Variants in SEMA3D observed in about 807,000 individuals in gnomAD.
SEMA3D encodes the protein semaphorin-3D.
SEMA3D carries 84 observed loss-of-function variants against 100.1 expected under a neutral mutation model. The observed-to-expected ratio is 0.84, with a 90% CI of 0.70 to 1.01. The LOEUF (loss-of-function observed/expected upper bound fraction) is 1.01. Ranked by LOEUF, SEMA3D falls within the 50% of genes least tolerant of loss-of-function variation. The pLI, the probability that SEMA3D is intolerant of heterozygous loss-of-function variation, is 0.00. For missense variants in SEMA3D, 875 were observed against 934.1 expected (o/e 0.94, Z 0.82); for synonymous variants, 312 against 320.7 (o/e 0.97, Z 0.29).
the SEMA3D span, among the ~76,000 whole-genome samples, chr7:85,205,966 A>C: frequency 1.8e-4 from 27 of 152,192 alleles, no homozygotes; most frequent in South Asian, 2.3e-3. Flanking sequence ...CATGTATCAA[A>C]ACAGTTTCCT....
intron 1 of SEMA3D, among the ~76,000 whole-genome samples, chr7:85,168,616 A>AAT (rs1025044228): frequency 6.1e-5 from 5 of 82,602 alleles, no homozygotes; most frequent in Admixed American, 2.6e-4. Flanking sequence ...CGGTTTCTGC[A>AAT]ATTTTTTTTT....
rs751753248 is a variant in SEMA3D at position 85,121,876 on chromosome 7, C to CT, written c.15dup (p.Asp6ArgfsTer2). 1 of 1,581,790 alleles carries CT rather than the reference C, an allele frequency of 6.3e-7. No homozygotes were observed. The highest frequency in any genetic ancestry group is 8.6e-7 in the Non-Finnish European group (1 of 1,157,462). Reference sequence around the variant, plus strand: ...TGGCTTCTGGCTTTAAGTCTTTCATCTTTATTAGCATTCATGATGAAAACA... The same window carrying CT: ...TGGCTTCTGGCTTTAAGTCTTTCATCTTTTATTAGCATTCATGATGAAAACA... On this transcript the variant is annotated frameshift_variant, in exon 3 of 19. Coordinates refer to ENST00000284136, the MANE Select transcript of SEMA3D (RefSeq NM_001384900.1). LOFTEE classifies it high-confidence loss of function.
At chr7:85,144,658 C>G (rs1790150472) in intron 2 of SEMA3D, 1 of 985,126 alleles carries the variant, frequency 1.0e-6, no homozygotes, top group African/African-American at 1.7e-5. Context: ...CAATATCCAA[C>G]ATTTAAGTCA....
At chr7:85,104,027 C>G (rs368371375) in intron 3 of SEMA3D, among the ~76,000 whole-genome samples, 2 of 152,122 alleles carry the variant, frequency 1.3e-5, no homozygotes, top group South Asian at 4.1e-4. Flanking sequence ...CTCTTGATAT[C>G]TTACCAGAAG....
intron 3 of SEMA3D, among the ~76,000 whole-genome samples, chr7:85,103,725 G>T (rs1013460643): frequency 4.0e-5 from 6 of 151,798 alleles, no homozygotes; most frequent in Admixed American, 3.9e-4. Context: ...TCCCACTTTT[G>T]TTCTAGCAAC....
At chr7:85,237,549 A>G in the SEMA3D span, among the ~76,000 whole-genome samples, 1 of 152,164 alleles carries the variant, frequency 6.6e-6, no homozygotes, top group Non-Finnish European at 1.5e-5. Flanking sequence ...TAGACTTTTA[A>G]GATGGTTTAT....
intron 8 of SEMA3D, among the ~76,000 whole-genome samples, chr7:85,061,483 T>C (rs1424876377): frequency 6.6e-6 from 1 of 152,166 alleles, no homozygotes; most frequent in African/African-American, 2.4e-5. Flanking sequence ...TAGCATCATA[T>C]GAAAAATGAT....
the SEMA3D span, among the ~76,000 whole-genome samples, chr7:85,194,859 G>A: frequency 2.1e-3 from 322 of 151,998 alleles, 2 homozygotes; most frequent in African/African-American, 7.4e-3. Context: ...ATCATCTTTC[G>A]TGTGTGTGTG....
At chr7:85,200,039 C>T in the SEMA3D span, among the ~76,000 whole-genome samples, 394 of 152,310 alleles carry the variant, frequency 2.6e-3, 2 homozygotes, top group African/African-American at 9.1e-3. Flanking sequence ...GATTGTAAGG[C>T]TTTCCCACCC....
intron 8 of SEMA3D, among the ~76,000 whole-genome samples, chr7:85,062,894 T>C (rs1021168243): frequency 3.9e-5 from 6 of 152,162 alleles, no homozygotes; most frequent in African/African-American, 1.4e-4. Flanking sequence ...CACAGAATTA[T>C]GAAGTGTAGA....
chr7:85,081,419 A>AATGG (rs2116232814), intron 5 of SEMA3D, 98 bp downstream of exon 5: 1 of 723,954 alleles, frequency 1.4e-6, no homozygotes, highest in East Asian at 2.6e-5. Context: ...CTGAAAAATA[A>AATGG]TACACTAATA....
chr7:85,073,171 T>C (rs1218166352), intron 5 of SEMA3D, 90 bp from the exon 6 acceptor site: 3 of 1,156,912 alleles, frequency 2.6e-6, no homozygotes, highest in African/African-American at 3.1e-5. Context: ...AGTAGATCAA[T>C]CTTCAAAAAT....
At chr7:85,094,617 CA>C (rs1258650740) in intron 4 of SEMA3D, among the ~76,000 whole-genome samples, 1 of 151,904 alleles carries the variant, frequency 6.6e-6, no homozygotes, top group Non-Finnish European at 1.5e-5. Flanking sequence ...GAACCTACAA[CA>C]AAAGTGTCAT....
intron 1 of SEMA3D, among the ~76,000 whole-genome samples, chr7:85,163,549 G>C (rs1790805909): frequency 6.6e-6 from 1 of 151,950 alleles, no homozygotes; most frequent in Non-Finnish European, 1.5e-5. Context: ...CAGGACAGTA[G>C]GAAATAACTA....
the SEMA3D span, among the ~76,000 whole-genome samples, chr7:85,250,175 C>A: frequency 6.6e-6 from 1 of 151,654 alleles, no homozygotes; most frequent in Admixed American, 6.6e-5. Context: ...TAAAAAATGG[C>A]GCACCACGAG....
chr7:85,017,116 C>T (rs1790126329), intron 15 of SEMA3D, among the ~76,000 whole-genome samples: 1 of 151,716 alleles, frequency 6.6e-6, no homozygotes, highest in Non-Finnish European at 1.5e-5. Flanking sequence ...TCACTCTTCA[C>T]ACTTTTGCAA....
chr7:85,171,405 G>T (rs1268266167), intron 1 of SEMA3D, among the ~76,000 whole-genome samples: 6 of 151,976 alleles, frequency 3.9e-5, no homozygotes, highest in Non-Finnish European at 8.8e-5. Flanking sequence ...CCATGATGGA[G>T]CTAGAAAGGG....
At chr7:85,132,162 C>G (rs1006959749) in intron 2 of SEMA3D, among the ~76,000 whole-genome samples, 3 of 151,714 alleles carry the variant, frequency 2.0e-5, no homozygotes, top group African/African-American at 7.2e-5. Context: ...GACATCCATA[C>G]CAGCTTATAA....
chr7:85,128,884 CTT>C (rs5885451), intron 2 of SEMA3D, among the ~76,000 whole-genome samples: 1,823 of 89,546 alleles, frequency 0.02, 45 homozygotes, highest in African/African-American at 0.07. Context: ...TATTTTTTTC[CTT>C]TTTTTTTTTT....
Sources: gnomAD v4.1 joint callset for allele counts (sites outside exome capture counted in the v4.1 genomes callset) on GRCh38, gnomAD v4.1.1 for gene constraint, MANE v1.5 for transcripts, NCBI Gene and HGNC (gene_info 2026-07-23, HGNC 2026-07-21) for gene names.